DLG2: variants seen among roughly 807,000 people sequenced by gnomAD.
DLG2 encodes disks large homolog 2.
Under a neutral mutation model 132.5 loss-of-function variants are expected in DLG2, and 45 were observed. The observed-to-expected ratio is 0.34, with a 90% confidence interval of 0.27 to 0.44. The LOEUF (loss-of-function observed/expected upper bound fraction) is 0.44. DLG2 is among the 20% of genes least tolerant of loss of function. DLG2 has a pLI of 1.00. For missense variants in DLG2, 1,045 were observed against 1,196.9 expected (o/e 0.87, Z 1.87); for synonymous variants, 424 against 419.6 (o/e 1.01, Z -0.13).
chr11:83,707,939 T>C (rs943595499), intron 18 of DLG2, among the ~76,000 whole-genome samples: 2 of 152,206 alleles, frequency 1.3e-5, no homozygotes, highest in African/African-American at 4.8e-5. Context: ...GTCCCACCTT[T>C]GATACTTTAA....
chr11:85,535,694 C>T (rs1446856872), intron 3 of DLG2, among the ~76,000 whole-genome samples: 1 of 152,102 alleles, frequency 6.6e-6, no homozygotes, highest in Non-Finnish European at 1.5e-5. Context: ...ATGTTCATAG[C>T]AGCATTATTC....
intron 5 of DLG2, among the ~76,000 whole-genome samples, chr11:85,147,758 C>G (rs563380070): frequency 8.1e-4 from 115 of 142,846 alleles, no homozygotes; most frequent in Non-Finnish European, 1.5e-3. Context: ...TTTTATTTTA[C>G]TTTATGTTCC....
At chr11:83,793,662 G>A (rs1043874658) in intron 17 of DLG2, among the ~76,000 whole-genome samples, 1 of 152,056 alleles carries the variant, frequency 6.6e-6, no homozygotes, top group Non-Finnish European at 1.5e-5. Flanking sequence ...GGTAACCTGG[G>A]GAAGTCACTT....
intron 7 of DLG2, among the ~76,000 whole-genome samples, chr11:84,308,281 A>G (rs2098248756): frequency 6.6e-6 from 1 of 152,166 alleles, no homozygotes; most frequent in Non-Finnish European, 1.5e-5. Context: ...GAGTGTGGAC[A>G]CAAAGGTTCT....
chr11:84,766,258 T>G (rs2068399236), intron 6 of DLG2, among the ~76,000 whole-genome samples: 1 of 151,988 alleles, frequency 6.6e-6, no homozygotes, highest in African/African-American at 2.4e-5. Context: ...TGATTGAAAT[T>G]TTCTCTTCCC....
At chr11:84,832,573 T>C (rs1348040033) in intron 6 of DLG2, among the ~76,000 whole-genome samples, 1 of 151,602 alleles carries the variant, frequency 6.6e-6, no homozygotes, top group Non-Finnish European at 1.5e-5. Flanking sequence ...TTAAGTACTT[T>C]TTTTTATTCA....
chr11:85,527,892 A>C (rs1368198378), intron 3 of DLG2, among the ~76,000 whole-genome samples: 2 of 152,162 alleles, frequency 1.3e-5, no homozygotes, highest in South Asian at 2.1e-4. Flanking sequence ...CACCATTCTA[A>C]CTGGCATGAG....
intron 6 of DLG2, among the ~76,000 whole-genome samples, chr11:84,778,071 A>G (rs1442451406): frequency 2.0e-5 from 3 of 152,024 alleles, no homozygotes; most frequent in Non-Finnish European, 4.4e-5. Context: ...TTCTTCTAGC[A>G]TTTTTATAGT....
intron 11 of DLG2, among the ~76,000 whole-genome samples, chr11:84,026,089 G>T (rs2095528488): frequency 6.6e-6 from 1 of 152,120 alleles, no homozygotes; most frequent in African/African-American, 2.4e-5. Context: ...ATGCTGACAT[G>T]AAGAGTCCTA....
intron 6 of DLG2, among the ~76,000 whole-genome samples, chr11:84,947,519 A>T (rs2050372957): frequency 6.6e-6 from 1 of 152,188 alleles, no homozygotes; most frequent in African/African-American, 2.4e-5. Flanking sequence ...CTCCATGCCA[A>T]CAACCTCCAA....
chr11:85,313,084 T>A (rs1367347813), intron 3 of DLG2, among the ~76,000 whole-genome samples: 1 of 151,904 alleles, frequency 6.6e-6, no homozygotes, highest in African/African-American at 2.4e-5. Context: ...CATCTAGACC[T>A]GACCAATAAA....
At chr11:83,534,396 A>G (rs1255359734) in intron 20 of DLG2, among the ~76,000 whole-genome samples, 1 of 152,230 alleles carries the variant, frequency 6.6e-6, no homozygotes, top group East Asian at 1.9e-4. Context: ...GAAAAAAGAG[A>G]AAGAAAAAAC....
intron 11 of DLG2, among the ~76,000 whole-genome samples, chr11:84,026,499 T>C (rs1025907110): frequency 1.3e-5 from 2 of 152,096 alleles, no homozygotes; most frequent in African/African-American, 4.8e-5. Context: ...ATCAGAGAAA[T>C]AAGCAAAATA....
At chr11:84,928,982 G>GTGTGTGTGTGTATATATATATA (rs1400906684) in intron 6 of DLG2, among the ~76,000 whole-genome samples, 3 of 49,114 alleles carry the variant, frequency 6.1e-5, no homozygotes, top group African/African-American at 1.8e-4. Flanking sequence ...GTGTGTGTGT[G>GTGTGTGTGTGTATATATATATA]TATATATATA....
chr11:83,986,941 T>C (rs2093362781), intron 11 of DLG2, among the ~76,000 whole-genome samples: 1 of 152,180 alleles, frequency 6.6e-6, no homozygotes, highest in African/African-American at 2.4e-5. Context: ...TTTGAGTTCA[T>C]TGTAGATTCT....
intron 6 of DLG2, among the ~76,000 whole-genome samples, chr11:85,043,666 CA>C (rs201984662): frequency 0.017 from 2,532 of 151,708 alleles, 28 homozygotes; most frequent in Non-Finnish European, 0.026. Context: ...TTGCCAACAA[CA>C]AAAACAAACA....
chr11:85,551,327 C>T (rs568688247), intron 3 of DLG2, among the ~76,000 whole-genome samples: 134 of 151,962 alleles, frequency 8.8e-4, no homozygotes, highest in Non-Finnish European at 1.6e-3. Flanking sequence ...CAATAAACAT[C>T]GAGAAAAAAA....
chr11:83,921,255 T>C (rs1243818098), intron 15 of DLG2, among the ~76,000 whole-genome samples: 2 of 152,162 alleles, frequency 1.3e-5, no homozygotes, highest in African/African-American at 2.4e-5. Flanking sequence ...ATCATCTGTA[T>C]TGTCATTGTT....
rs533356047 is a variant in DLG2, at chr11:85,561,448, A to G, written c.40+37209T>C. ...TATTTTCAAAAACCCTGCACTTCCT[A>G]CCAGTATTACAAAAGGGAAACTATA... On this transcript the variant is annotated intron_variant, in intron 3 of 27. Coordinates refer to ENST00000376104, the MANE Select transcript of DLG2 (RefSeq NM_001142699.3). Among the ~76,000 whole-genome samples the G allele has an allele frequency of 4.7e-5, 7 of 149,964 alleles. No homozygotes were observed. In the East Asian group the frequency reaches 1.2e-3, roughly 25 times the overall value.
Sources: gnomAD v4.1 joint callset for allele counts (sites outside exome capture counted in the v4.1 genomes callset) on GRCh38, gnomAD v4.1.1 for gene constraint, MANE v1.5 for transcripts, NCBI Gene and HGNC (gene_info 2026-07-23, HGNC 2026-07-21) for gene names.